Variants in IL1RAPL2 observed in about 807,000 individuals in gnomAD.
IL1RAPL2 encodes the protein X-linked interleukin-1 receptor accessory protein-like 2.
Under a neutral mutation model 44.1 loss-of-function variants are expected in IL1RAPL2, and 3 were observed. The observed-to-expected ratio is 0.07, with a 90% CI of 0.03 to 0.18. The LOEUF (loss-of-function observed/expected upper bound fraction) is 0.18. Ranked by LOEUF, IL1RAPL2 falls within the 10% of genes least tolerant of loss-of-function variation. The probability of loss-of-function intolerance (pLI) is 1.00; values close to 1 mark genes in which losing one functional copy is unlikely to be tolerated. For missense variants in IL1RAPL2, 391 were observed against 496.4 expected (o/e 0.79, Z 2.02); for synonymous variants, 181 against 178.8 (o/e 1.01, Z -0.10).
intron 6 of IL1RAPL2, among the ~76,000 whole-genome samples, chrX:105,495,705 A>G (rs1262217937): frequency 9.0e-6 from 1 of 111,609 alleles, no homozygotes; most frequent in Non-Finnish European, 1.9e-5. Context: ...GAACAAAAAT[A>G]ATGTGAACAT....
intron 2 of IL1RAPL2, among the ~76,000 whole-genome samples, chrX:105,048,181 T>C (rs2031867065): frequency 8.9e-6 from 1 of 111,886 alleles, no homozygotes; most frequent in Non-Finnish European, 1.9e-5. Flanking sequence ...AGTTGGTTCC[T>C]CAAAAGATAT....
In IL1RAPL2 at chrX:104,858,262, T is replaced by G. The variant is rs759954564; in HGVS notation, c.82+199267T>G. Among the ~76,000 whole-genome samples the G allele has an allele frequency of 3.6e-5, 4 of 111,828 alleles. No homozygotes were observed. The South Asian group carries it at 1.5e-3, about 42-fold the overall frequency. On this transcript the variant is annotated intron_variant, in intron 2 of 10. Transcript: ENST00000372582. ...AATATTTAGCAGAGAGTTTTAAACA[T>G]GATGACTGCTCAGAGGAAGTTTAAA... is the stretch of plus-strand genomic sequence containing the variant.
At chrX:105,111,383 A>T (rs1171472428) in intron 2 of IL1RAPL2, among the ~76,000 whole-genome samples, 6 of 111,498 alleles carry the variant, frequency 5.4e-5, no homozygotes, top group Non-Finnish European at 9.4e-5. Context: ...GTTTGCAACA[A>T]CTTTTCCCCA....
chrX:105,648,458 G>T (rs2037621612), intron 6 of IL1RAPL2, among the ~76,000 whole-genome samples: 1 of 111,180 alleles, frequency 9.0e-6, no homozygotes, highest in South Asian at 3.8e-4. Flanking sequence ...TAGAGAGAAA[G>T]AATGAATTTC....
At chrX:104,664,323 G>T (rs1230506892) in intron 2 of IL1RAPL2, among the ~76,000 whole-genome samples, 1 of 110,985 alleles carries the variant, frequency 9.0e-6, no homozygotes, top group Non-Finnish European at 1.9e-5. Flanking sequence ...TCCCCTCTGG[G>T]AAGCTCTCTC....
At chrX:105,085,945 T>C (rs1447924026) in intron 2 of IL1RAPL2, among the ~76,000 whole-genome samples, 3 of 111,856 alleles carry the variant, frequency 2.7e-5, no homozygotes, top group Non-Finnish European at 5.6e-5. Context: ...AAGTGGTTCA[T>C]CATAAAGCTT....
intron 2 of IL1RAPL2, among the ~76,000 whole-genome samples, chrX:104,700,848 G>T (rs1931263067): frequency 9.0e-6 from 1 of 111,661 alleles, no homozygotes; most frequent in South Asian, 3.8e-4. Context: ...TACTGCCCAG[G>T]GCCGTTATGT....
chrX:105,667,170 C>A (rs1245906246), intron 6 of IL1RAPL2, among the ~76,000 whole-genome samples: 2 of 111,474 alleles, frequency 1.8e-5, no homozygotes, highest in Non-Finnish European at 3.8e-5. Context: ...AACAATAAAC[C>A]AATAGCACAA....
intron 3 of IL1RAPL2, among the ~76,000 whole-genome samples, chrX:105,222,555 T>C: frequency 8.9e-6 from 1 of 111,749 alleles, no homozygotes; most frequent in African/African-American, 3.3e-5. Context: ...CAGAAGATAA[T>C]GTAGAAAAGA....
intron 1 of IL1RAPL2, among the ~76,000 whole-genome samples, chrX:104,596,757 G>A (rs1003423678): frequency 1.8e-5 from 2 of 111,126 alleles, no homozygotes; most frequent in African/African-American, 6.6e-5. Context: ...TGACCATTTT[G>A]GGGTGTTTAA....
intron 5 of IL1RAPL2, among the ~76,000 whole-genome samples, chrX:105,312,616 T>C (rs1443982629): frequency 8.9e-6 from 1 of 111,967 alleles, no homozygotes; most frequent in Non-Finnish European, 1.9e-5. Flanking sequence ...TTTGCATTTT[T>C]TAAAAGGATA....
intron 3 of IL1RAPL2, among the ~76,000 whole-genome samples, chrX:105,197,096 T>A (rs2033678747): frequency 9.1e-6 from 1 of 109,969 alleles, no homozygotes; most frequent in African/African-American, 3.3e-5. Flanking sequence ...GAAAATGGAG[T>A]GATGGGGGAG....
At position 104,917,484 on chromosome X, in the gene IL1RAPL2, T is replaced by TA. The variant is rs748236047; in HGVS notation, c.82+258497dup. Among the ~76,000 whole-genome samples, 20 of 111,377 alleles carry TA rather than the reference T, an allele frequency of 1.8e-4. No homozygotes were observed. The East Asian group carries it at 3.1e-3, about 17-fold the overall frequency. ...TTGATTTTTATCCACAGATTTGATTTAAAAAAAACCTTGGGGAAGCTCCCA... is the reference window on the plus strand; with the variant it reads ...TTGATTTTTATCCACAGATTTGATTTAAAAAAAAACCTTGGGGAAGCTCCCA... On this transcript the variant is annotated intron_variant, in intron 2 of 10. Coordinates refer to ENST00000372582, the MANE Select transcript of IL1RAPL2 (RefSeq NM_017416.2).
intron 2 of IL1RAPL2, among the ~76,000 whole-genome samples, chrX:104,705,433 G>A (rs954013983): frequency 5.4e-5 from 6 of 111,413 alleles, no homozygotes; most frequent in African/African-American, 2.0e-4. Flanking sequence ...GGGCCCATGA[G>A]GGAGGAAAGC....
In IL1RAPL2 at chrX:105,588,790, T is replaced by C. The variant is rs376438602; in HGVS notation, c.772+104403T>C. Among the ~76,000 whole-genome samples the C allele has an allele frequency of 3.6e-5, 4 of 112,327 alleles. No individual in the cohort carries two copies. The East Asian group carries it at 1.1e-3, about 31-fold the overall frequency. ...CACATTTTTTAAATCCAGTCTACTATTGATGAGCATTTAGGTTGATTCCAT... is the reference window on the plus strand; with the variant it reads ...CACATTTTTTAAATCCAGTCTACTACTGATGAGCATTTAGGTTGATTCCAT... On this transcript the variant is annotated intron_variant, in intron 6 of 10. Transcript: ENST00000372582.
intron 5 of IL1RAPL2, among the ~76,000 whole-genome samples, chrX:105,270,780 A>G (rs2034440773): frequency 1.8e-5 from 2 of 111,905 alleles, no homozygotes; most frequent in African/African-American, 3.2e-5. Context: ...AATTCAAAAT[A>G]TAAGGCTAGG....
At chrX:105,345,138 T>C (rs2035100768) in intron 5 of IL1RAPL2, among the ~76,000 whole-genome samples, 1 of 111,962 alleles carries the variant, frequency 8.9e-6, no homozygotes, top group Admixed American at 9.5e-5. Context: ...ACGACTAATC[T>C]ACCTAGAGAC....
chrX:104,733,981 T>G (rs1216027752), intron 2 of IL1RAPL2, among the ~76,000 whole-genome samples: 4 of 110,855 alleles, frequency 3.6e-5, no homozygotes, highest in Non-Finnish European at 7.6e-5. Flanking sequence ...GGTAAAAGAT[T>G]TAAACAACCA....
intron 2 of IL1RAPL2, among the ~76,000 whole-genome samples, chrX:104,923,957 G>C (rs1168589941): frequency 9.2e-6 from 1 of 108,589 alleles, no homozygotes; most frequent in African/African-American, 3.3e-5. Flanking sequence ...GTAAAGAGAT[G>C]GAAAAAATAT....
Sources: allele counts gnomAD v4.1 joint callset (sites outside exome capture counted in the v4.1 genomes callset), GRCh38; gene constraint gnomAD v4.1.1; transcripts MANE v1.5; gene names NCBI Gene and HGNC (gene_info 2026-07-23, HGNC 2026-07-21).